SNX8: variants seen among roughly 807,000 people sequenced by gnomAD.
SNX8 encodes sorting nexin 8.
In SNX8, 25 loss-of-function variants were observed where a neutral mutation model predicts 51.6. That is an observed-to-expected ratio of 0.48 (90% confidence interval 0.35 to 0.68). SNX8 has a LOEUF of 0.68. Among genes scored for constraint, SNX8 ranks in the 30% least tolerant of loss-of-function variants. The pLI is 0.00. For synonymous variants in SNX8, 324 were observed against 277.0 expected (o/e 1.17, Z -1.68); for missense variants, 695 against 624.0 (o/e 1.11, Z -1.21).
At chr7:2,333,971 T>A (rs926636266) in intron 1 of SNX8, among the ~76,000 whole-genome samples, 1 of 151,790 alleles carries the variant, frequency 6.6e-6, no homozygotes, top group Non-Finnish European at 1.5e-5. Context: ...ATCTCATCTC[T>A]ACAAAAATTT....
chr7:2,254,734 C>G lies in SNX8; in HGVS notation c.*322G>C. ...AGCACCTGGAGGCCCTGCCTCCACG[C>G]TCCCCCAGGCACAATCTCTGTGAGA... is the stretch of plus-strand genomic sequence containing the variant. On this transcript the variant is annotated 3_prime_UTR_variant, in exon 11 of 11. Transcript: ENST00000222990. 2.6e-6 allele frequency: 1 copy of G among 383,326 alleles called. No individual in the cohort carries two copies. Among genetic ancestry groups the G allele is most frequent in the Non-Finnish European group, 4.8e-6 (1 of 207,664 alleles). 23.7% of individuals were successfully genotyped at this position (383,326 alleles called of 1,614,324 possible).
At chr7:2,347,491 A>G (rs1282510562) in intron 1 of SNX8, among the ~76,000 whole-genome samples, 1 of 95,912 alleles carries the variant, frequency 1.0e-5, no homozygotes, top group African/African-American at 3.2e-5. Flanking sequence ...AAAAAAAAAA[A>G]AAAAAAAAGA....
intron 1 of SNX8, among the ~76,000 whole-genome samples, chr7:2,310,749 C>G (rs953627591): frequency 6.5e-5 from 9 of 137,732 alleles, no homozygotes; most frequent in African/African-American, 2.4e-4. Flanking sequence ...CCAGCCTGGG[C>G]AAAAGAGTGA....
chr7:2,269,839 A>C (rs1445175957), intron 4 of SNX8, among the ~76,000 whole-genome samples, 200 bp from the exon 5 acceptor site: 1 of 152,154 alleles, frequency 6.6e-6, no homozygotes, highest in Non-Finnish European at 1.5e-5. Flanking sequence ...GCCTGGCTTC[A>C]CAGCAGGAGC....
intron 1 of SNX8, among the ~76,000 whole-genome samples, chr7:2,334,694 G>C (rs569244617): frequency 1.9e-4 from 28 of 149,498 alleles, no homozygotes; most frequent in African/African-American, 3.4e-4. Context: ...AGAGAGACTC[G>C]GTCTCAAAAA....
At chr7:2,263,112 C>T (rs993465828) in intron 7 of SNX8, 118 bp downstream of exon 7, 42 of 1,269,300 alleles carry the variant, frequency 3.3e-5, no homozygotes, top group Non-Finnish European at 1.4e-5. Flanking sequence ...AGGGAGACTC[C>T]TTCTCAAAAC....
At chr7:2,350,213 C>G (rs1217367343) in intron 1 of SNX8, among the ~76,000 whole-genome samples, 2 of 152,174 alleles carry the variant, frequency 1.3e-5, no homozygotes, top group Non-Finnish European at 2.9e-5. Context: ...CTCATCCAAA[C>G]TCCCCCAAGC....
intron 5 of SNX8, among the ~76,000 whole-genome samples, chr7:2,265,151 G>A (rs951303127): frequency 1.5e-4 from 23 of 152,158 alleles, no homozygotes; most frequent in African/African-American, 5.1e-4. Context: ...TAAGGAGATC[G>A]AGACTATGGT....
chr7:2,261,864 C>A (rs1795344901), intron 7 of SNX8, among the ~76,000 whole-genome samples: 2 of 152,224 alleles, frequency 1.3e-5, no homozygotes, highest in Admixed American at 1.3e-4. Context: ...GCCCCGACTC[C>A]ACAGCAGGTG....
chr7:2,341,427 A>G (rs1285235477), intron 1 of SNX8, among the ~76,000 whole-genome samples: 1 of 151,672 alleles, frequency 6.6e-6, no homozygotes, highest in Non-Finnish European at 1.5e-5. Context: ...AGAACCCAGG[A>G]GGCAGAGGTT....
chr7:2,295,628 T>C (rs996751417), intron 1 of SNX8, among the ~76,000 whole-genome samples: 1 of 149,470 alleles, frequency 6.7e-6, no homozygotes, highest in Non-Finnish European at 1.5e-5. Flanking sequence ...AGGAAATGTG[T>C]TTCTGTTGCT....
At chr7:2,312,761 C>CCG in intron 1 of SNX8, among the ~76,000 whole-genome samples, 1 of 152,218 alleles carries the variant, frequency 6.6e-6, no homozygotes, top group African/African-American at 2.4e-5. Context: ...CTTGTCCCCC[C>CCG]CCACCAAGAA....
intron 1 of SNX8, among the ~76,000 whole-genome samples, chr7:2,281,450 A>G (rs1231609350): frequency 1.3e-5 from 2 of 151,760 alleles, no homozygotes; most frequent in Non-Finnish European, 2.9e-5. Context: ...AAAAAACATC[A>G]TTTCAAATGG....
At chr7:2,287,957 C>T (rs888844471) in intron 1 of SNX8, 41 of 151,978 alleles carry the variant, frequency 2.7e-4, no homozygotes, top group Admixed American at 7.2e-4. Context: ...CTTGGCTATA[C>T]TCTTCAGTGT....
intron 1 of SNX8, among the ~76,000 whole-genome samples, chr7:2,298,406 G>A (rs1796319840): frequency 6.6e-6 from 1 of 152,044 alleles, no homozygotes; most frequent in African/African-American, 2.4e-5. Flanking sequence ...GTCTCATTCT[G>A]TCCCCCAGGC....
intron 1 of SNX8, among the ~76,000 whole-genome samples, chr7:2,303,234 AG>A (rs1796451831): frequency 1.7e-5 from 2 of 119,064 alleles, no homozygotes; most frequent in Non-Finnish European, 3.5e-5. Flanking sequence ...GAGGGAGGTC[AG>A]GGGGTCAGCC....
chr7:2,254,631 ATG>A lies in SNX8; in HGVS notation c.*423_*424del. 4 of 197,052 alleles carry A rather than the reference ATG, an allele frequency of 2.0e-5. No homozygotes were observed. The South Asian group carries it at 3.3e-4, about 16-fold the overall frequency. The allele number at this position is 197,052 out of a possible 1,614,324, so 12.2% of individuals were successfully genotyped here. On this transcript the variant is annotated 3_prime_UTR_variant, in exon 11 of 11. Coordinates refer to ENST00000222990, the MANE Select transcript of SNX8 (RefSeq NM_013321.4). ...CCCCTCGCTGTCCGTGGTCAGTCCC[ATG>A]CCTGGGCTGCAGGGCAGCCCTGCCC...
chr7:2,266,413 C>A (rs1055512898), intron 5 of SNX8, among the ~76,000 whole-genome samples: 19 of 151,892 alleles, frequency 1.3e-4, no homozygotes, highest in African/African-American at 4.6e-4. Flanking sequence ...GTGGCGCAAT[C>A]TTGGCTCACT....
upstream of SNX8, among the ~76,000 whole-genome samples, chr7:2,314,924 T>G (rs1381546939): frequency 1.3e-5 from 2 of 149,444 alleles, no homozygotes; most frequent in Middle Eastern, 3.6e-3. Flanking sequence ...ATTCATCCAC[T>G]CACACACTCA....
Sources: gnomAD v4.1 joint callset for allele counts (sites outside exome capture counted in the v4.1 genomes callset) on GRCh38, gnomAD v4.1.1 for gene constraint, MANE v1.5 for transcripts, NCBI Gene and HGNC (gene_info 2026-07-23, HGNC 2026-07-21) for gene names.